The following FYN variants were observed in gnomAD, a reference collection of about 807,000 sequenced individuals.
The protein encoded by FYN is tyrosine-protein kinase Fyn.
FYN carries 10 observed loss-of-function variants against 70.2 expected under a neutral mutation model. That is an observed-to-expected ratio of 0.14 (90% CI 0.09 to 0.24). The LOEUF (loss-of-function observed/expected upper bound fraction) is 0.24, where lower values mean the gene tolerates loss of function less well. FYN is among the 10% of genes least tolerant of loss of function. FYN has a pLI of 1.00. For synonymous variants in FYN, 236 were observed against 248.6 expected (o/e 0.95, Z 0.48); for missense variants, 319 against 673.1 (o/e 0.47, Z 5.82).
intron 5 of FYN, 82 bp downstream of exon 5, chr6:111,714,265 T>C: frequency 1.2e-6 from 1 of 843,772 alleles, no homozygotes; most frequent in South Asian, 1.4e-5. Flanking sequence ...ATTTCAGACA[T>C]CTGAAGAGAT....
At chr6:111,711,042 G>A (rs904239028) in intron 5 of FYN, among the ~76,000 whole-genome samples, 3 of 152,046 alleles carry the variant, frequency 2.0e-5, no homozygotes. Flanking sequence ...AAAAGATTCT[G>A]TGCCCCCACC....
chr6:111,853,518 C>T (rs769491182), intron 1 of FYN, among the ~76,000 whole-genome samples: 61 of 152,258 alleles, frequency 4.0e-4, no homozygotes, highest in Non-Finnish European at 8.8e-5. Flanking sequence ...AGAGCACAAA[C>T]GGCCTCTTGC....
intron 2 of FYN, among the ~76,000 whole-genome samples, chr6:111,783,459 A>G (rs1471712112): frequency 6.6e-6 from 1 of 152,238 alleles, no homozygotes; most frequent in Non-Finnish European, 1.5e-5. Flanking sequence ...CACCAGATAT[A>G]TGGTATTCAT....
chr6:111,668,588 G>A (rs1380457300), intron 13 of FYN, among the ~76,000 whole-genome samples: 2 of 151,692 alleles, frequency 1.3e-5, no homozygotes, highest in Non-Finnish European at 2.9e-5. Flanking sequence ...CAAGGAGCAC[G>A]TGAGGCTGGA....
In FYN at chr6:111,834,326, C is replaced by T. The variant is rs118181067; in HGVS notation, c.-82+12263G>A. ...GTAGATGTGTGAGTGAGTGTGGATA[C>T]ACATACACACACCTATTCCTTTGTA... On this transcript the variant is annotated intron_variant, in intron 2 of 13. Transcript: ENST00000354650. Among the ~76,000 whole-genome samples the T allele has an allele frequency of 1.4e-4, 21 of 152,146 alleles. No individual in the cohort carries two copies. The East Asian group carries it at 4.1e-3, about 29-fold the overall frequency.
intron 13 of FYN, among the ~76,000 whole-genome samples, chr6:111,667,880 T>C (rs927771924): frequency 9.9e-5 from 15 of 152,234 alleles, no homozygotes; most frequent in Non-Finnish European, 1.6e-4. Flanking sequence ...GATTTGACTA[T>C]GGGTTGCAAA....
chr6:111,758,313 T>C lies in FYN; in HGVS notation c.-12+22253A>G, dbSNP rs544642456. On this transcript the variant is annotated intron_variant, in intron 3 of 13. Coordinates refer to ENST00000354650, the MANE Select transcript of FYN (RefSeq NM_002037.5). ...CCAATTTGAAACCATGTTTTAAACA[T>C]TCCTAAATTTGCACCGGGAAAGGAC... is the stretch of plus-strand genomic sequence containing the variant. 2.0e-5 allele frequency among the ~76,000 whole-genome samples: 3 copies of C among 152,330 alleles called. No individual in the cohort carries two copies. The East Asian group carries it at 5.8e-4, about 29-fold the overall frequency.
chr6:111,681,287 C>A (rs1481745824), intron 12 of FYN, among the ~76,000 whole-genome samples: 2 of 152,126 alleles, frequency 1.3e-5, no homozygotes, highest in South Asian at 2.1e-4. Context: ...CTCGGCCTCC[C>A]AAAGTGCTGC....
At chr6:111,812,976 C>T (rs536219265) in intron 2 of FYN, among the ~76,000 whole-genome samples, 1 of 152,002 alleles carries the variant, frequency 6.6e-6, no homozygotes, top group African/African-American at 2.4e-5. Context: ...ACATTGAAAT[C>T]GCCTCACTCA....
intron 1 of FYN, among the ~76,000 whole-genome samples, chr6:111,850,763 AGCT>A (rs1333926093): frequency 6.6e-6 from 1 of 152,180 alleles, no homozygotes; most frequent in East Asian, 1.9e-4. Flanking sequence ...AGGCCTGTGC[AGCT>A]GCAGACAGAC....
intron 13 of FYN, among the ~76,000 whole-genome samples, chr6:111,673,006 T>C (rs566721714): frequency 1.3e-5 from 2 of 152,288 alleles, no homozygotes; most frequent in Middle Eastern, 3.4e-3. Context: ...AGGGAAGGCT[T>C]CACAGAAACG....
intron 3 of FYN, among the ~76,000 whole-genome samples, chr6:111,773,627 A>AAGAGGG (rs1803585635): frequency 7.1e-5 from 1 of 14,008 alleles, no homozygotes; most frequent in African/African-American, 5.0e-4. Context: ...AGAGGGGGAA[A>AAGAGGG]GGAGAGGGGG....
intron 1 of FYN, among the ~76,000 whole-genome samples, chr6:111,853,686 A>G (rs1191521821): frequency 6.6e-6 from 1 of 152,188 alleles, no homozygotes; most frequent in Non-Finnish European, 1.5e-5. Flanking sequence ...TGGTAAGATC[A>G]TAGTTCACTG....
chr6:111,793,413 G>A (rs1477618962), intron 2 of FYN, among the ~76,000 whole-genome samples: 2 of 151,358 alleles, frequency 1.3e-5, no homozygotes, highest in African/African-American at 4.9e-5. Context: ...TACAGTCTGC[G>A]CATCCCCAGA....
intron 3 of FYN, among the ~76,000 whole-genome samples, chr6:111,773,629 GAGA>G (rs1803587028): frequency 7.8e-5 from 2 of 25,738 alleles, no homozygotes; most frequent in Admixed American, 5.1e-4. Context: ...AGGGGGAAAG[GAGA>G]GGGGGAGGGG....
At chr6:111,842,582 C>T (rs1453320932) in intron 2 of FYN, among the ~76,000 whole-genome samples, 1 of 152,198 alleles carries the variant, frequency 6.6e-6, no homozygotes, top group African/African-American at 2.4e-5. Context: ...ACTGTGAGGC[C>T]TTTGGATACC....
chr6:111,719,710 A>T, intron 4 of FYN, 95 bp downstream of exon 4: 2 of 1,373,162 alleles, frequency 1.5e-6, no homozygotes, highest in Non-Finnish European at 2.0e-6. Context: ...TGAAACCCCT[A>T]GTCAAAGGGA....
At chr6:111,820,064 T>C (rs1018626404) in intron 2 of FYN, 4 of 152,216 alleles carry the variant, frequency 2.6e-5, no homozygotes, top group Non-Finnish European at 5.9e-5. Context: ...TGACATCCTA[T>C]GGCTATCAGA....
intron 3 of FYN, among the ~76,000 whole-genome samples, chr6:111,765,182 T>G (rs1803182125): frequency 6.6e-6 from 1 of 152,038 alleles, no homozygotes; most frequent in African/African-American, 2.4e-5. Flanking sequence ...TCTCAGAGGA[T>G]CAGAAGAATT....
Sources: gnomAD v4.1 joint callset for allele counts (sites outside exome capture counted in the v4.1 genomes callset) on GRCh38, gnomAD v4.1.1 for gene constraint, MANE v1.5 for transcripts, NCBI Gene and HGNC (gene_info 2026-07-23, HGNC 2026-07-21) for gene names.